LRP1B: variants seen among roughly 807,000 people sequenced by gnomAD.
The protein encoded by LRP1B is LDL receptor related protein 1B, also known as low-density lipoprotein receptor-related protein 1B.
Under a neutral mutation model 556.6 loss-of-function variants are expected in LRP1B, and 217 were observed. That is an observed-to-expected ratio of 0.39 (90% CI 0.35 to 0.44). The LOEUF (loss-of-function observed/expected upper bound fraction) is 0.44, where lower values mean the gene tolerates loss of function less well. Among genes scored for constraint, LRP1B ranks in the 20% least tolerant of loss-of-function variants. The pLI is 1.00. For synonymous variants in LRP1B, 2,047 were observed against 1,865.8 expected, an observed-to-expected ratio of 1.10 and a Z score of -2.50; for missense variants, 5,053 against 5,620.8, an observed-to-expected ratio of 0.90 and a Z score of 3.23.
At chr2:141,676,002 T>C (rs1446556663) in intron 2 of LRP1B, among the ~76,000 whole-genome samples, 2 of 152,096 alleles carry the variant, frequency 1.3e-5, no homozygotes, top group Non-Finnish European at 2.9e-5. Context: ...CTCCCAAAAA[T>C]GGCTACATTC....
At chr2:140,463,306 G>A (rs1687400486) in intron 60 of LRP1B, among the ~76,000 whole-genome samples, 1 of 152,116 alleles carries the variant, frequency 6.6e-6, no homozygotes, top group South Asian at 2.1e-4. Context: ...AAAAACACCT[G>A]GGAAAGAAAG....
intron 3 of LRP1B, among the ~76,000 whole-genome samples, chr2:141,295,746 A>AACACACACAC (rs376812743): frequency 0.18 from 22,851 of 130,390 alleles, 2,487 homozygotes; most frequent in Middle Eastern, 0.28. Context: ...TGAGGAGAGA[A>AACACACACAC]ACACACACAC....
At chr2:140,655,605 C>T (rs1338708739) in intron 41 of LRP1B, among the ~76,000 whole-genome samples, 2 of 152,106 alleles carry the variant, frequency 1.3e-5, no homozygotes, top group African/African-American at 4.8e-5. Flanking sequence ...CATCAGAGCA[C>T]AGAGAAGTAG....
chr2:141,868,643 G>T (rs577951808), intron 1 of LRP1B, among the ~76,000 whole-genome samples: 24 of 152,266 alleles, frequency 1.6e-4, no homozygotes, highest in African/African-American at 5.8e-4. Context: ...CTATTGAATG[G>T]AAGACTTGGA....
intron 3 of LRP1B, among the ~76,000 whole-genome samples, chr2:141,291,975 G>A (rs541434104): frequency 9.2e-5 from 14 of 151,664 alleles, no homozygotes; most frequent in Non-Finnish European, 1.8e-4. Context: ...CTATACCAGG[G>A]GTCCCCAACC....
intron 6 of LRP1B, among the ~76,000 whole-genome samples, chr2:141,218,928 G>T (rs1296939243): frequency 1.3e-5 from 2 of 152,156 alleles, no homozygotes; most frequent in Admixed American, 6.5e-5. Flanking sequence ...CAGTTAGTGT[G>T]ACCCACACAG....
intron 3 of LRP1B, among the ~76,000 whole-genome samples, chr2:141,346,107 A>G (rs1268350208): frequency 6.6e-6 from 1 of 151,522 alleles, no homozygotes; most frequent in African/African-American, 2.4e-5. Context: ...TTTAAGTTTT[A>G]TTTTCCACCA....
At chr2:142,061,605 G>A (rs1704917464) in intron 1 of LRP1B, among the ~76,000 whole-genome samples, 1 of 151,948 alleles carries the variant, frequency 6.6e-6, no homozygotes, top group African/African-American at 2.4e-5. Context: ...AATGTATGCA[G>A]AATGTCTCAG....
At position 140,364,755 on chromosome 2, in the gene LRP1B, G is replaced by T. The variant is rs747930780; in HGVS notation, c.11037C>A (p.Phe3679Leu). Residue 3679 changes from phenylalanine (F) to leucine (L), a missense_variant, in exon 72 of 91, where the codon TTC becomes TTA. Physicochemically the swap from Phe to Leu is conservative, Grantham distance 22 (BLOSUM62 0). Around this residue, in one of 5 missense-constraint regions of LRP1B, gnomAD observed 599 missense variants for 648.4 expected, o/e 0.92. Transcript: ENST00000389484. ...RGGNICRADE[F>L]LCNNSLCKLH... ...GTTTGCAGAGAGAATTATTGCAAAG[G>T]AACTCATCAGCTCTACATATATTTC... is the stretch of plus-strand genomic sequence containing the variant. The T allele has an allele frequency of 6.2e-7, 1 of 1,609,820 alleles. No individual in the cohort carries two copies. Among genetic ancestry groups the T allele is most frequent in the African/African-American group, 1.3e-5 (1 of 74,632 alleles).
chr2:142,009,871 G>A (rs1446818980), intron 1 of LRP1B, among the ~76,000 whole-genome samples: 1 of 151,854 alleles, frequency 6.6e-6, no homozygotes, highest in Non-Finnish European at 1.5e-5. Flanking sequence ...GTACACAAGT[G>A]TATGGATATA....
chr2:140,496,434 G>GA (rs1040953416), intron 55 of LRP1B, among the ~76,000 whole-genome samples: 1 of 152,024 alleles, frequency 6.6e-6, no homozygotes, highest in Non-Finnish European at 1.5e-5. Context: ...TCCATACCTA[G>GA]ATATGTAGGT....
Position 140,607,943 on chromosome 2 carries a change from T to C in LRP1B, c.6800-6304A>G, listed in dbSNP as rs183521870. Among the ~76,000 whole-genome samples the C allele has an allele frequency of 2.0e-3, 302 of 152,090 alleles. 3 individuals are homozygous for C. The highest frequency in any genetic ancestry group is 7.3e-3 in the South Asian group (35 of 4,824). ...ACTGTGAATTAGACTACCACTAATA[T>C]GATTTAAAAGCTCAGAGTCATTTTT... On this transcript the variant is annotated intron_variant, in intron 41 of 90. Coordinates refer to ENST00000389484, the MANE Select transcript of LRP1B (RefSeq NM_018557.3).
chr2:140,799,436 C>G (rs896865236), intron 32 of LRP1B, among the ~76,000 whole-genome samples: 70 of 152,274 alleles, frequency 4.6e-4, no homozygotes, highest in African/African-American at 1.7e-3. Context: ...TTTGGACTTT[C>G]CAGCCTCCAG....
At chr2:141,281,260 A>G (rs1685498751) in intron 3 of LRP1B, among the ~76,000 whole-genome samples, 1 of 152,032 alleles carries the variant, frequency 6.6e-6, no homozygotes, top group South Asian at 2.1e-4. Context: ...TTACATTAGT[A>G]TGTCTTTTTA....
At chr2:141,871,738 G>A (rs1434174272) in intron 1 of LRP1B, among the ~76,000 whole-genome samples, 2 of 152,034 alleles carry the variant, frequency 1.3e-5, no homozygotes, top group East Asian at 3.9e-4. Context: ...ACAATTTAAT[G>A]TTAAAAAGGT....
rs1167021720 is a variant in LRP1B at position 141,019,928 on chromosome 2, A to G, written c.1964T>C (p.Val655Ala). 10 of 1,589,718 alleles carry G rather than the reference A, an allele frequency of 6.3e-6. No individual in the cohort carries two copies. Among genetic ancestry groups the G allele is most frequent in the Non-Finnish European group, 8.6e-7 (1 of 1,167,088 alleles). The change falls in exon 12 of 91, where the codon GTT becomes GCT. Residue 655 changes from valine to alanine, a missense_variant. Val to Ala is a moderately conservative substitution (Grantham distance 64, BLOSUM62 0). This residue lies in a region of LRP1B where 3,619 missense variants were observed against 3,931.9 expected (regional missense o/e 0.92). Coordinates refer to ENST00000389484, the MANE Select transcript of LRP1B (RefSeq NM_018557.3). ...CTAGTCAAATATTGCATACCCATTA[A>G]CTGGATCCACCACAATTCCTCTGGG... Reference protein sequence around the residue: ...SHPRGIVVDPVNGWMYWTDWE... With the variant: ...SHPRGIVVDPANGWMYWTDWE...
intron 2 of LRP1B, among the ~76,000 whole-genome samples, chr2:141,549,605 A>G (rs1685677363): frequency 1.3e-5 from 2 of 152,056 alleles, no homozygotes; most frequent in South Asian, 2.1e-4. Flanking sequence ...CTTTAATCTT[A>G]AAAACAGCCT....
At chr2:140,612,140 C>A (rs1683094091) in intron 41 of LRP1B, among the ~76,000 whole-genome samples, 1 of 152,016 alleles carries the variant, frequency 6.6e-6, no homozygotes, top group African/African-American at 2.4e-5. Flanking sequence ...AAAGAAGAAT[C>A]CTAGTCTATA....
intron 41 of LRP1B, among the ~76,000 whole-genome samples, chr2:140,671,681 T>A (rs1244498364): frequency 6.6e-6 from 1 of 152,244 alleles, no homozygotes; most frequent in Non-Finnish European, 1.5e-5. Context: ...TTTCTGCCTC[T>A]ATCTTATAAG....
Sources: allele counts gnomAD v4.1 joint callset (sites outside exome capture counted in the v4.1 genomes callset), GRCh38; gene constraint gnomAD v4.1.1; regional missense constraint gnomAD v4.1.1; transcripts MANE v1.5; gene names NCBI Gene and HGNC (gene_info 2026-07-23, HGNC 2026-07-21).